Variants in KRT33B observed in about 807,000 individuals in gnomAD.
The protein encoded by KRT33B is keratin 33B.
In KRT33B, 37 loss-of-function variants were observed where a neutral mutation model predicts 42.7. The observed-to-expected ratio is 0.87, with a 90% CI of 0.67 to 1.14. KRT33B has a LOEUF of 1.14. KRT33B is among the 50% of genes most tolerant of loss of function. The pLI is 0.00. For synonymous variants in KRT33B, 237 were observed against 221.2 expected (o/e 1.07, Z -0.63); for missense variants, 523 against 515.1 (o/e 1.02, Z -0.15).
Position 41,363,567 on chromosome 17 carries a change from C to A in KRT33B, c.*269G>T, listed in dbSNP as rs2017649274. On this transcript the variant is annotated 3_prime_UTR_variant, in exon 7 of 7. Transcript: ENST00000251646. Reference sequence around the variant, plus strand: ...ATAAAGGTAGAAGCAGCAGAGAGAACAAAACACCTCGTATGCCACTGTCAC... The same window carrying A: ...ATAAAGGTAGAAGCAGCAGAGAGAAAAAAACACCTCGTATGCCACTGTCAC... 2.8e-6 allele frequency: 1 copy of A among 351,482 alleles called. No individual in the cohort carries two copies. Among genetic ancestry groups the A allele is most frequent in the Non-Finnish European group, 5.1e-6 (1 of 196,482 alleles). 21.8% of individuals were successfully genotyped at this position (351,482 alleles called of 1,614,324 possible). A position where few individuals can be genotyped will look rare whatever the true frequency, so the allele number is the denominator to read the frequency against.
rs2017690144 is a variant in KRT33B at position 41,365,567 on chromosome 17, G to A, written c.589-14C>T. 1 of 1,607,464 alleles carries A rather than the reference G, an allele frequency of 6.2e-7. No homozygotes were observed. The highest frequency in any genetic ancestry group is 2.2e-5 in the East Asian group (1 of 44,852). ...GGTGTTGACTTCCTAATGGAGAAAA[G>A]GGAAGAAATAAACCCACAGAAAGAA... On this transcript the variant is annotated splice_polypyrimidine_tract_variant and intron_variant, in intron 3 of 6. Coordinates refer to ENST00000251646, the MANE Select transcript of KRT33B (RefSeq NM_002279.5).
intron 6 of KRT33B, 84 bp from the exon 7 acceptor site, chr17:41,364,037 G>T: frequency 1.1e-6 from 1 of 950,654 alleles, no homozygotes; most frequent in Non-Finnish European, 1.7e-6. Flanking sequence ...ACAGAAACAA[G>T]CAGAACCCGT....
Position 41,363,885 on chromosome 17 carries a change from G to A in KRT33B, c.1166C>T (p.Pro389Leu), listed in dbSNP as rs1362332602. ...EKPIGSCVTN[P>L]CGPRSRCGPC... ...CCCACAGCGGGAACGAGGACCACAA[G>A]GATTGGTGACACAGGATCCAATGGG... The change falls in exon 7 of 7, where the codon CCT becomes CTT. Residue 389 changes from proline (P) to leucine (L), a missense_variant. Transcript: ENST00000251646. The A allele has an allele frequency of 3.1e-6, 5 of 1,611,804 alleles. No homozygotes were observed. The highest frequency in any genetic ancestry group is 4.2e-6 in the Non-Finnish European group (5 of 1,179,590).
In KRT33B at chr17:41,363,678, G is replaced by A. The variant is rs904303765; in HGVS notation, c.*158C>T. 1 of 568,444 alleles carries A rather than the reference G, an allele frequency of 1.8e-6. No individual in the cohort carries two copies. Among genetic ancestry groups the A allele is most frequent in the Non-Finnish European group, 3.2e-6 (1 of 316,634 alleles). 35.2% of individuals were successfully genotyped at this position (568,444 alleles called of 1,614,324 possible). ...AGGATCAAGTAGCCCTAGGCTCAGA[G>A]TCAGACCCAAACGCTGGGCATTTGT... On this transcript the variant is annotated 3_prime_UTR_variant, in exon 7 of 7. Transcript: ENST00000251646.
chr17:41,366,407 T>A, intron 3 of KRT33B, 63 bp downstream of exon 3: 7 of 1,587,362 alleles, frequency 4.4e-6, no homozygotes, highest in Non-Finnish European at 6.0e-6. Context: ...AAATCCTACC[T>A]TATCCTATTC....
rs1346902453 is a variant in KRT33B at position 41,366,591 on chromosome 17, T to C, written c.467A>G (p.Glu156Gly). 3 of 1,611,840 alleles carry C rather than the reference T, an allele frequency of 1.9e-6. No homozygotes were observed. Among genetic ancestry groups the C allele is most frequent in the Non-Finnish European group, 2.5e-6 (3 of 1,179,880 alleles). ...CCTGCGCAGGCTGTTGATGTCGGAC[T>C]CCACCAGCTGCCGCAGGGACTGCTC... ...QTEQSLRQLVESDINSLRRIL... is the reference protein window; with the variant it reads ...QTEQSLRQLVGSDINSLRRIL... Residue 156 changes from glutamate (E) to glycine (G), a missense_variant, in exon 3 of 7, where the codon GAG (glutamate) becomes GGG (glycine). Transcript: ENST00000251646.
intron 2 of KRT33B, 21 bp from the exon 3 acceptor site, chr17:41,366,647 C>T: frequency 6.5e-7 from 1 of 1,535,688 alleles, no homozygotes; most frequent in Non-Finnish European, 8.7e-7. Context: ...AGCCAGAGGT[C>T]AAAAGAGGTC....
Position 41,365,230 on chromosome 17 carries a change from T to A in KRT33B, c.821A>T (p.Glu274Val). Residue 274 changes from glutamate to valine, a missense_variant, in exon 5 of 7, where the codon GAG (glutamate) becomes GTG (valine). Physicochemically the swap from Glu to Val is moderately radical, Grantham distance 121. Coordinates refer to ENST00000251646, the MANE Select transcript of KRT33B (RefSeq NM_002279.5). ...QLQSYQAEII[E>V]LRRTVNALEI... Reference sequence around the variant, plus strand: ...CAGGGCATTGACTGTGCGTCTCAGCTCGATGATCTCCGCCTGGTAGGACTG... The same window carrying A: ...CAGGGCATTGACTGTGCGTCTCAGCACGATGATCTCCGCCTGGTAGGACTG... 6.2e-7 allele frequency: 1 copy of A among 1,611,978 alleles called. No individual in the cohort carries two copies. Among genetic ancestry groups the A allele is most frequent in the Non-Finnish European group, 8.5e-7 (1 of 1,180,008 alleles).
In KRT33B at chr17:41,368,007, T is replaced by A; in HGVS notation, c.349-17A>T. ...GCACAGGATCTGGGGATAGGATTAA[T>A]CATGAAATGGGTTATACTAAGAAAT... On this transcript the variant is annotated splice_polypyrimidine_tract_variant and intron_variant, in intron 1 of 6. Transcript: ENST00000251646. The A allele has an allele frequency of 1.2e-6, 2 of 1,610,884 alleles. No individual in the cohort carries two copies. The highest frequency in any genetic ancestry group is 8.5e-7 in the Non-Finnish European group (1 of 1,178,318).
chr17:41,363,898 A>G lies in KRT33B; in HGVS notation c.1153T>C (p.Cys385Arg). The G allele has an allele frequency of 2.5e-6, 4 of 1,611,948 alleles. No homozygotes were observed. The highest frequency in any genetic ancestry group is 3.4e-6 in the Non-Finnish European group (4 of 1,179,552). The change falls in exon 7 of 7, where the codon TGT becomes CGT. Residue 385 changes from cysteine (C) to arginine (R), a missense_variant. Coordinates refer to ENST00000251646, the MANE Select transcript of KRT33B (RefSeq NM_002279.5). The part of the protein sequence containing the change: ...TNACEKPIGS[C>R]VTNPCGPRSR... ...CGAGGACCACAAGGATTGGTGACAC[A>G]GGATCCAATGGGCTTTTCACATGCA...
rs754467618 is a variant in KRT33B, at chr17:41,369,684, G to A, written c.67C>T (p.Pro23Ser). ...RTSCSSRPCVPPSCHGYTLPG... is the reference protein window; with the variant it reads ...RTSCSSRPCVSPSCHGYTLPG... ...AGGGTGTAGCCGTGGCAGCTGGGGG[G>A]CACACAGGGCCGGGAGGAGCAGCTG... The change falls in exon 1 of 7, where the codon CCC becomes TCC. Residue 23 changes from proline (P) to serine (S), a missense_variant. Coordinates refer to ENST00000251646, the MANE Select transcript of KRT33B (RefSeq NM_002279.5). 19 of 1,613,860 alleles carry A rather than the reference G, an allele frequency of 1.2e-5. No individual in the cohort carries two copies. Among genetic ancestry groups the A allele is most frequent in the Non-Finnish European group, 1.6e-5 (19 of 1,179,968 alleles).
chr17:41,365,284 T>C lies in KRT33B; in HGVS notation c.767A>G (p.Lys256Arg). The C allele has an allele frequency of 6.2e-7, 1 of 1,612,614 alleles. No homozygotes were observed. The highest frequency in any genetic ancestry group is 8.5e-7 in the Non-Finnish European group (1 of 1,180,014). ...WFATQTEELN[K>R]QVVSSSEQLQ... The stretch of plus-strand genomic sequence containing the variant: ...CTGCTCCGAGCTGGATACCACCTGC[T>C]TGTTCAGCTCCTCGGTCTGAAACAC... Residue 256 changes from lysine (K) to arginine (R), a missense_variant, in exon 5 of 7, where the codon AAG (lysine) becomes AGG (arginine). Transcript: ENST00000251646.
chr17:41,368,119 G>C (rs1168862546), intron 1 of KRT33B, 129 bp from the exon 2 acceptor site: 1 of 811,074 alleles, frequency 1.2e-6, no homozygotes, highest in Non-Finnish European at 2.1e-6. Flanking sequence ...TCAGCTCTGA[G>C]ATAAAAGGAG....
intron 5 of KRT33B, 32 bp downstream of exon 5, chr17:41,365,143 A>G (rs760132625): frequency 3.1e-5 from 50 of 1,609,782 alleles, no homozygotes; most frequent in Non-Finnish European, 4.1e-5. Flanking sequence ...CCAAGTTCCC[A>G]TCGCTCACCA....
At chr17:41,369,137 G>T (rs1437241879) in intron 1 of KRT33B, among the ~76,000 whole-genome samples, 2 of 151,294 alleles carry the variant, frequency 1.3e-5, no homozygotes. Context: ...CAAAAAATCA[G>T]ATATTCTGGT....
At chr17:41,363,994 G>T in intron 6 of KRT33B, 41 bp from the exon 7 acceptor site, 1 of 1,379,606 alleles carries the variant, frequency 7.2e-7, no homozygotes, top group Non-Finnish European at 1.0e-6. Context: ...TGAGAAGGGT[G>T]ATTCAAACAA....
In KRT33B at chr17:41,363,651, G is replaced by A. The variant is rs2017650449; in HGVS notation, c.*185C>T. ...ACTACAGGAGAGGGACCTGGGGTGAGGAGGATCAAGTAGCCCTAGGCTCAG... is the reference window on the plus strand; with the variant it reads ...ACTACAGGAGAGGGACCTGGGGTGAAGAGGATCAAGTAGCCCTAGGCTCAG... On this transcript the variant is annotated 3_prime_UTR_variant, in exon 7 of 7. Transcript: ENST00000251646. 4.0e-6 allele frequency: 2 copies of A among 494,740 alleles called. No homozygotes were observed. The highest frequency in any genetic ancestry group is 7.2e-6 in the Non-Finnish European group (2 of 277,452). The allele number at this position is 494,740 out of a possible 1,614,324, so 30.6% of individuals were successfully genotyped here.
Position 41,364,850 on chromosome 17 carries a change from C to T in KRT33B, c.1026G>A (p.Leu342=). The T allele has an allele frequency of 6.2e-7, 1 of 1,613,228 alleles. No homozygotes were observed. The highest frequency in any genetic ancestry group is 8.5e-7 in the Non-Finnish European group (1 of 1,180,034). ...LERQNQEYQV[L]LDVRARLECE... The stretch of plus-strand genomic sequence containing the variant: ...ACTCCAGCCGCGCCCGCACGTCCAG[C>T]AGCACCTGATACTCCTGGTTCTGCC... Residue 342 remains leucine (L), a synonymous_variant, in exon 6 of 7, where the codon CTG becomes CTA. Coordinates refer to ENST00000251646, the MANE Select transcript of KRT33B (RefSeq NM_002279.5).
Position 41,366,567 on chromosome 17 carries a change from C to T in KRT33B, c.491G>A (p.Arg164Lys), listed in dbSNP as rs1033326350. ...GCACAGGGTCAGCTCATCCAGAATC[C>T]TGCGCAGGCTGTTGATGTCGGACTC... ...LVESDINSLRRILDELTLCRS... is the reference protein window; with the variant it reads ...LVESDINSLRKILDELTLCRS... Residue 164 changes from arginine (R) to lysine (K), a missense_variant, in exon 3 of 7, where the codon AGG becomes AAG. Physicochemically the swap from Arg to Lys is conservative, Grantham distance 26. Transcript: ENST00000251646. 7.4e-6 allele frequency: 12 copies of T among 1,612,512 alleles called. No individual in the cohort carries two copies. The highest frequency in any genetic ancestry group is 1.0e-5 in the Non-Finnish European group (12 of 1,179,986).
Sources: gnomAD v4.1 joint callset for allele counts (sites outside exome capture counted in the v4.1 genomes callset) on GRCh38, gnomAD v4.1.1 for gene constraint, MANE v1.5 for transcripts, NCBI Gene and HGNC (gene_info 2026-07-23, HGNC 2026-07-21) for gene names.